CPAP: variants seen among roughly 807,000 people sequenced by gnomAD.
CPAP encodes centrosome assembly and centriole elongation protein, also known as centrosomal P4.1-associated protein.
chr13:24,922,068 C>G, the CPAP span, among the ~76,000 whole-genome samples: 48 of 152,220 alleles, frequency 3.2e-4, no homozygotes, highest in African/African-American at 1.2e-3. Flanking sequence ...TCAAACTCAT[C>G]AAATGGAATG....
At chr13:24,889,574 C>G in the CPAP span, among the ~76,000 whole-genome samples, 5 of 93,278 alleles carry the variant, frequency 5.4e-5, no homozygotes, top group African/African-American at 1.3e-4. Flanking sequence ...AATCACTGCG[C>G]GTGTGCACAC....
At chr13:24,905,411 T>C in the CPAP span, 6 of 1,614,036 alleles carry the variant, frequency 3.7e-6, no homozygotes, top group Non-Finnish European at 5.1e-6. Context: ...TGACTTTGGT[T>C]TTGGTTTCAA....
the CPAP span, among the ~76,000 whole-genome samples, chr13:24,926,810 C>A: frequency 6.6e-6 from 1 of 152,222 alleles, no homozygotes; most frequent in Non-Finnish European, 1.5e-5. Flanking sequence ...TCACTTTCAA[C>A]ACCTATAAAG....
At chr13:24,899,293 T>C in the CPAP span, 7 of 716,250 alleles carry the variant, frequency 9.8e-6, no homozygotes, top group African/African-American at 8.8e-5. Context: ...AGACAGATTA[T>C]TTGCTGAATG....
the CPAP span, among the ~76,000 whole-genome samples, chr13:24,897,391 G>A: frequency 6.6e-6 from 1 of 152,090 alleles, no homozygotes; most frequent in Non-Finnish European, 1.5e-5. Context: ...ATGAGGACAG[G>A]GATTGATTTG....
the CPAP span, among the ~76,000 whole-genome samples, chr13:24,915,747 C>A: frequency 6.6e-6 from 1 of 151,988 alleles, no homozygotes; most frequent in African/African-American, 2.4e-5. Context: ...TGCAGTGAGC[C>A]GAGATAGCGT....
At chr13:24,926,913 T>C in the CPAP span, among the ~76,000 whole-genome samples, 15 of 152,308 alleles carry the variant, frequency 9.8e-5, no homozygotes, top group East Asian at 2.9e-3. Context: ...TATGATCCCA[T>C]GGGACAGGTC....
the CPAP span, among the ~76,000 whole-genome samples, chr13:24,909,167 G>A: frequency 2.6e-5 from 4 of 152,120 alleles, no homozygotes; most frequent in Non-Finnish European, 5.9e-5. Context: ...ATGGAAACAT[G>A]TTGTATAAAA....
At chr13:24,899,990 C>T in the CPAP span, among the ~76,000 whole-genome samples, 1 of 151,320 alleles carries the variant, frequency 6.6e-6, no homozygotes, top group East Asian at 1.9e-4. Flanking sequence ...TCCCATGCAG[C>T]TTCTTACATT....
the CPAP span, among the ~76,000 whole-genome samples, chr13:24,901,196 T>C: frequency 4.6e-5 from 7 of 152,184 alleles, no homozygotes; most frequent in African/African-American, 1.4e-4. Flanking sequence ...CACAATCATA[T>C]AGTCAAAGCA....
the CPAP span, chr13:24,911,921 G>A: frequency 6.2e-7 from 1 of 1,613,776 alleles, no homozygotes; most frequent in East Asian, 2.2e-5. Context: ...GCATTATACT[G>A]AGGCCCTGTG....
the CPAP span, among the ~76,000 whole-genome samples, chr13:24,896,878 T>G: frequency 5.3e-5 from 8 of 152,248 alleles, no homozygotes; most frequent in Non-Finnish European, 8.8e-5. Context: ...AGGCTATGGT[T>G]TTTAATTTAG....
At chr13:24,931,326 C>CTTTTTTTTTTTTTTT in the CPAP span, among the ~76,000 whole-genome samples, 1 of 17,104 alleles carries the variant, frequency 5.8e-5, no homozygotes. Context: ...TTTTTGCATG[C>CTTTTTTTTTTTTTTT]CTCATAATTT....
chr13:24,931,919 C>T, the CPAP span, among the ~76,000 whole-genome samples: 1 of 152,184 alleles, frequency 6.6e-6, no homozygotes, highest in African/African-American at 2.4e-5. Context: ...TAAATCCCTC[C>T]TGAAACATGA....
chr13:24,884,050 G>A, the CPAP span: 22 of 1,613,678 alleles, frequency 1.4e-5, no homozygotes, highest in East Asian at 8.9e-5. Flanking sequence ...GTCAGGAAAC[G>A]TGATTTCTTT....
chr13:24,890,930 G>C, the CPAP span, among the ~76,000 whole-genome samples: 2 of 151,738 alleles, frequency 1.3e-5, no homozygotes, highest in Non-Finnish European at 2.9e-5. Flanking sequence ...CACTGAGTCA[G>C]TCCAACCAAT....
At chr13:24,885,207 AT>A in the CPAP span, 7 of 1,045,414 alleles carry the variant, frequency 6.7e-6, no homozygotes, top group Admixed American at 8.8e-5. Flanking sequence ...TTTAGATTCT[AT>A]GTGTTTCAAC....
At chr13:24,895,946 A>G in the CPAP span, among the ~76,000 whole-genome samples, 1 of 152,162 alleles carries the variant, frequency 6.6e-6, no homozygotes, top group East Asian at 1.9e-4. Flanking sequence ...AATAGTTAAT[A>G]TTTTTCAACA....
chr13:24,916,125 AGAG>A, the CPAP span, among the ~76,000 whole-genome samples: 1 of 152,184 alleles, frequency 6.6e-6, no homozygotes, highest in Non-Finnish European at 1.5e-5. Flanking sequence ...AGCAAGGTGA[AGAG>A]GAGTATTTTT....
Sources: allele counts gnomAD v4.1 joint callset (sites outside exome capture counted in the v4.1 genomes callset), GRCh38; gene constraint gnomAD v4.1.1; transcripts MANE v1.5; gene names NCBI Gene and HGNC (gene_info 2026-07-23, HGNC 2026-07-21).